Variants in XKR9 observed in about 807,000 individuals in gnomAD.
XKR9 encodes XK-related protein 9.
XKR9 carries 32 observed loss-of-function variants against 32.0 expected under a neutral mutation model. The ratio of observed to expected loss-of-function variants is 1.00; its 90% CI spans 0.76 to 1.34. The LOEUF (loss-of-function observed/expected upper bound fraction) is 1.34, where lower values mean the gene tolerates loss of function less well. XKR9 is among the 40% of genes most tolerant of loss of function. The pLI is 0.00. For missense variants in XKR9, 546 were observed against 429.7 expected (o/e 1.27, Z -2.39); for synonymous variants, 168 against 143.4 (o/e 1.17, Z -1.22).
At chr8:70,723,463 T>C (rs528995886) in intron 4 of XKR9, among the ~76,000 whole-genome samples, 1 of 152,360 alleles carries the variant, frequency 6.6e-6, no homozygotes, top group East Asian at 1.9e-4. Flanking sequence ...TGCTCTTTGA[T>C]GCTGATGACC....
chr8:70,746,858 C>T (rs1438151028), intron 2 of XKR9, among the ~76,000 whole-genome samples: 1 of 151,958 alleles, frequency 6.6e-6, no homozygotes, highest in Non-Finnish European at 1.5e-5. Context: ...CTATTGATCC[C>T]ATTGTCCAAG....
chr8:70,759,600 A>C (rs1241224925), intron 2 of XKR9, among the ~76,000 whole-genome samples: 1 of 152,184 alleles, frequency 6.6e-6, no homozygotes, highest in Non-Finnish European at 1.5e-5. Context: ...TCAGTAGGTT[A>C]AATTAAAGAT....
intron 4 of XKR9, among the ~76,000 whole-genome samples, chr8:70,711,911 T>G (rs1805932364): frequency 7.1e-6 from 1 of 141,216 alleles, no homozygotes; most frequent in South Asian, 2.4e-4. Context: ...GGAAATTATT[T>G]GTATACCTAA....
At chr8:70,889,781 G>A in the XKR9 span, among the ~76,000 whole-genome samples, 37 of 151,896 alleles carry the variant, frequency 2.4e-4, no homozygotes, top group African/African-American at 8.0e-4. Context: ...GTAGTATTCC[G>A]TGGTGTATAT....
intron 3 of XKR9, among the ~76,000 whole-genome samples, chr8:70,694,298 A>C (rs748820182): frequency 1.3e-5 from 2 of 152,190 alleles, no homozygotes. Context: ...TGTTGTGTCC[A>C]CTTCAGCCCC....
chr8:70,814,065 T>C, the XKR9 span, among the ~76,000 whole-genome samples: 1 of 152,190 alleles, frequency 6.6e-6, no homozygotes, highest in African/African-American at 2.4e-5. Flanking sequence ...AACAATAGTC[T>C]GGATTAAGAA....
chr8:70,772,370 T>G (rs1487275797), intron 2 of XKR9, among the ~76,000 whole-genome samples: 1 of 152,164 alleles, frequency 6.6e-6, no homozygotes, highest in Non-Finnish European at 1.5e-5. Context: ...GGGACAATAT[T>G]CCATGACAAA....
At chr8:70,785,466 CAATT>C (rs1807672421) in intron 2 of XKR9, among the ~76,000 whole-genome samples, 1 of 151,280 alleles carries the variant, frequency 6.6e-6, no homozygotes, top group Admixed American at 6.6e-5. Context: ...CATTGATTAA[CAATT>C]AAACAATTAA....
chr8:70,814,777 T>C, the XKR9 span, among the ~76,000 whole-genome samples: 2 of 152,224 alleles, frequency 1.3e-5, no homozygotes, highest in Non-Finnish European at 2.9e-5. Flanking sequence ...AAATAAGTGG[T>C]ATCCAAAGTG....
chr8:71,023,391 G>A, the XKR9 span, among the ~76,000 whole-genome samples: 6 of 152,162 alleles, frequency 3.9e-5, no homozygotes, highest in South Asian at 2.1e-4. Flanking sequence ...GATTGTGTTC[G>A]TGATTTTCTC....
the XKR9 span, among the ~76,000 whole-genome samples, chr8:70,948,873 T>G: frequency 6.6e-6 from 1 of 152,212 alleles, no homozygotes; most frequent in East Asian, 1.9e-4. Context: ...TTACAAGAAT[T>G]CTTCAGGAAG....
At chr8:70,736,530 G>A (rs1449207792), downstream of XKR9, among the ~76,000 whole-genome samples, 2 of 152,206 alleles carry the variant, frequency 1.3e-5, no homozygotes, top group African/African-American at 4.8e-5. Flanking sequence ...TTTTAGACAT[G>A]AATTCTGTGC....
At chr8:70,894,420 T>C in the XKR9 span, among the ~76,000 whole-genome samples, 1 of 152,110 alleles carries the variant, frequency 6.6e-6, no homozygotes, top group Non-Finnish European at 1.5e-5. Context: ...CTTACGCCTG[T>C]AGGGTGAGGT....
At chr8:70,809,389 T>A in the XKR9 span, among the ~76,000 whole-genome samples, 1 of 152,032 alleles carries the variant, frequency 6.6e-6, no homozygotes, top group African/African-American at 2.4e-5. Flanking sequence ...TCAGAATGCC[T>A]CTCCTCCTCC....
chr8:70,754,191 AG>A (rs1807184077), intron 2 of XKR9, among the ~76,000 whole-genome samples: 1 of 148,280 alleles, frequency 6.7e-6, no homozygotes, highest in Non-Finnish European at 1.5e-5. Flanking sequence ...TAAAATACTT[AG>A]GAATCAACTT....
chr8:71,025,730 A>C, the XKR9 span, among the ~76,000 whole-genome samples: 4 of 152,164 alleles, frequency 2.6e-5, no homozygotes, highest in Admixed American at 2.6e-4. Context: ...AATCACTGTC[A>C]TCCCTCAAAC....
the XKR9 span, among the ~76,000 whole-genome samples, chr8:70,943,144 G>A: frequency 6.6e-6 from 1 of 152,168 alleles, no homozygotes; most frequent in East Asian, 1.9e-4. Context: ...TACTGATAGA[G>A]TTGAAAAACC....
At chr8:70,957,783 CTTTTTTTT>C in the XKR9 span, among the ~76,000 whole-genome samples, 98 of 84,818 alleles carry the variant, frequency 1.2e-3, 1 homozygote, top group South Asian at 0.018. Context: ...TTCAGTCTAT[CTTTTTTTT>C]TTTTTTTTTT....
chr8:70,673,817 A>T (rs905541632), intron 1 of XKR9, among the ~76,000 whole-genome samples: 5 of 151,944 alleles, frequency 3.3e-5, no homozygotes, highest in African/African-American at 1.2e-4. Flanking sequence ...TAGAAATGTG[A>T]CTTGAAGTTT....
Sources: gnomAD v4.1 joint callset for allele counts (sites outside exome capture counted in the v4.1 genomes callset) on GRCh38, gnomAD v4.1.1 for gene constraint, MANE v1.5 for transcripts, NCBI Gene and HGNC (gene_info 2026-07-23, HGNC 2026-07-21) for gene names.